Variants in YEATS2 observed in about 807,000 individuals in gnomAD.
YEATS2 encodes YEATS domain containing 2.
YEATS2 carries 77 observed loss-of-function variants against 163.2 expected under a neutral mutation model. The observed-to-expected ratio is 0.47, with a 90% confidence interval of 0.39 to 0.57. YEATS2 has a LOEUF of 0.57. YEATS2 is among the 20% of genes least tolerant of loss of function. YEATS2 has a pLI of 0.00. For synonymous variants in YEATS2, 631 were observed against 645.1 expected, an observed-to-expected ratio of 0.98 and a Z score of 0.33; for missense variants, 1,549 against 1,729.8, an observed-to-expected ratio of 0.90 and a Z score of 1.85.
chr3:183,763,072 T>TG (rs1271585483), intron 15 of YEATS2, among the ~76,000 whole-genome samples: 1 of 71,334 alleles, frequency 1.4e-5, no homozygotes, highest in Non-Finnish European at 2.5e-5. Context: ...AATTAAAAAA[T>TG]TAAAAAAAAA....
intron 8 of YEATS2, among the ~76,000 whole-genome samples, chr3:183,746,950 T>C (rs926375987): frequency 1.3e-5 from 2 of 152,162 alleles, no homozygotes; most frequent in Non-Finnish European, 2.9e-5. Flanking sequence ...CCTGTTAATC[T>C]TATTGCATGT....
At chr3:183,797,269 G>GAA (rs1167929691) in intron 21 of YEATS2, among the ~76,000 whole-genome samples, 2,919 of 72,534 alleles carry the variant, frequency 0.04, 243 homozygotes, top group African/African-American at 0.15. Flanking sequence ...ATCCAACTCT[G>GAA]AAAAAAAAAA....
chr3:183,718,453 T>TG, intron 3 of YEATS2, 47 bp from the exon 4 acceptor site: 1 of 1,481,620 alleles, frequency 6.7e-7, no homozygotes, highest in Non-Finnish European at 9.2e-7. Flanking sequence ...GTACATCTCT[T>TG]TTATAATTGC....
intron 11 of YEATS2, 82 bp from the exon 12 acceptor site, chr3:183,756,446 A>T: frequency 7.4e-7 from 1 of 1,350,842 alleles, no homozygotes; most frequent in Non-Finnish European, 9.9e-7. Context: ...GGTGGCACTG[A>T]CCTTCTTCCT....
At chr3:183,700,889 T>G (rs902053316) in intron 1 of YEATS2, among the ~76,000 whole-genome samples, 1 of 150,178 alleles carries the variant, frequency 6.7e-6, no homozygotes, top group African/African-American at 2.5e-5. Flanking sequence ...GCCAGGGGGA[T>G]GAAGGGAGAG....
chr3:183,799,965 T>A (rs190372487), intron 23 of YEATS2, among the ~76,000 whole-genome samples: 133 of 151,990 alleles, frequency 8.8e-4, no homozygotes, highest in African/African-American at 3.1e-3. Flanking sequence ...CCTGAGTAGC[T>A]GGGACTACAG....
chr3:183,747,707 A>G lies in YEATS2; in HGVS notation c.960A>G (p.Gly320=). 1 of 1,612,906 alleles carries G rather than the reference A, an allele frequency of 6.2e-7. No individual in the cohort carries two copies. Among genetic ancestry groups the G allele is most frequent in the East Asian group, 2.2e-5 (1 of 44,796 alleles). Residue 320 remains glycine, a synonymous_variant, in exon 9 of 31, where the codon GGA becomes GGG. Coordinates refer to ENST00000305135, the MANE Select transcript of YEATS2 (RefSeq NM_018023.5). ...DRTYTGLQTL[G]AETVVDVELH... is the part of the protein sequence containing the mutation. ...CTTATACTGGCTTGCAGACTCTTGG[A>G]GCAGAGACGGTAGGTTTTTTTCCTA...
At chr3:183,779,753 A>G (rs1352947375) in intron 19 of YEATS2, among the ~76,000 whole-genome samples, 1 of 151,992 alleles carries the variant, frequency 6.6e-6, no homozygotes, top group Non-Finnish European at 1.5e-5. Context: ...GCTGGAGTGC[A>G]GTGGCACGAT....
At chr3:183,793,252 C>A in intron 21 of YEATS2, 7 of 1,197,510 alleles carry the variant, frequency 5.8e-6, no homozygotes, top group Non-Finnish European at 7.5e-6. Flanking sequence ...TTGTTGTTGT[C>A]ATTACTATTA....
intron 5 of YEATS2, among the ~76,000 whole-genome samples, chr3:183,722,808 A>C (rs965707124): frequency 3.5e-4 from 53 of 151,822 alleles, no homozygotes; most frequent in Admixed American, 2.3e-3. Context: ...ATGTGCTACC[A>C]CGCCTGGCTA....
intron 1 of YEATS2, among the ~76,000 whole-genome samples, chr3:183,712,933 G>A (rs949307140): frequency 2.0e-5 from 3 of 151,890 alleles, no homozygotes; most frequent in East Asian, 1.9e-4. Context: ...GCTAATTTTT[G>A]TATTTTTAGT....
At chr3:183,742,165 G>A (rs375673339) in intron 8 of YEATS2, among the ~76,000 whole-genome samples, 1 of 151,988 alleles carries the variant, frequency 6.6e-6, no homozygotes, top group Non-Finnish European at 1.5e-5. Context: ...TGTGAGCCAC[G>A]ATCAAGCCAC....
At chr3:183,728,522 AAAAC>A (rs1717368869) in intron 6 of YEATS2, among the ~76,000 whole-genome samples, 164 bp from the exon 7 acceptor site, 1 of 152,234 alleles carries the variant, frequency 6.6e-6, no homozygotes, top group Non-Finnish European at 1.5e-5. Flanking sequence ...GAAAGAAAGA[AAAAC>A]AAAATGATTA....
rs1470810942 is a variant in YEATS2, at chr3:183,801,231, C to T, written c.3429-224C>T. 6 of 420,852 alleles carry T rather than the reference C, an allele frequency of 1.4e-5. No individual in the cohort carries two copies. The Admixed American group carries it at 1.6e-4, about 12-fold the overall frequency. The allele number at this position is 420,852 out of a possible 1,614,324, so 26.1% of individuals were successfully genotyped here. ...TAAATGTCTGTAATATGTGCATAATCTTCCATTCCTGGGATCTTAGTCTTG... is the reference window on the plus strand; with the variant it reads ...TAAATGTCTGTAATATGTGCATAATTTTCCATTCCTGGGATCTTAGTCTTG... On this transcript the variant is annotated intron_variant, in intron 24 of 30. Coordinates refer to ENST00000305135, the MANE Select transcript of YEATS2 (RefSeq NM_018023.5).
At chr3:183,722,445 C>T (rs569239151) in intron 5 of YEATS2, among the ~76,000 whole-genome samples, 6 of 152,038 alleles carry the variant, frequency 3.9e-5, no homozygotes, top group African/African-American at 1.2e-4. Context: ...TGTGCCACCA[C>T]GCCCGGCTAA....
At chr3:183,735,527 C>T (rs2109153105) in intron 7 of YEATS2, among the ~76,000 whole-genome samples, 1 of 152,164 alleles carries the variant, frequency 6.6e-6, no homozygotes, top group East Asian at 1.9e-4. Context: ...AGGCTCCCCT[C>T]ATATCTCAGG....
chr3:183,717,441 CT>C (rs1188175541), intron 2 of YEATS2, among the ~76,000 whole-genome samples: 1 of 152,100 alleles, frequency 6.6e-6, no homozygotes, highest in Non-Finnish European at 1.5e-5. Flanking sequence ...AGAATGGTGT[CT>C]TTTTAGGGCA....
chr3:183,722,462 T>A (rs566862028), intron 5 of YEATS2, among the ~76,000 whole-genome samples: 247 of 151,982 alleles, frequency 1.6e-3, no homozygotes, highest in Non-Finnish European at 2.7e-3. Context: ...CTAATTTTTT[T>A]ATATTTTTAG....
intron 15 of YEATS2, among the ~76,000 whole-genome samples, chr3:183,766,145 A>G (rs1452525468): frequency 6.6e-6 from 1 of 152,220 alleles, no homozygotes; most frequent in African/African-American, 2.4e-5. Flanking sequence ...GTTAAAGTAG[A>G]AGGAGCATGA....
Sources: allele counts gnomAD v4.1 joint callset (sites outside exome capture counted in the v4.1 genomes callset), GRCh38; gene constraint gnomAD v4.1.1; transcripts MANE v1.5; gene names NCBI Gene and HGNC (gene_info 2026-07-23, HGNC 2026-07-21).